The following ENTREP2 variants were observed in gnomAD, a reference collection of about 807,000 sequenced individuals.
ENTREP2 encodes the protein protein ENTREP2.
the ENTREP2 span, among the ~76,000 whole-genome samples, chr15:29,622,561 T>A: frequency 5.3e-5 from 8 of 152,118 alleles, no homozygotes; most frequent in Non-Finnish European, 1.2e-4. Flanking sequence ...ATAAAAAACC[T>A]AAGGAGAAAT....
At chr15:29,502,199 T>C in the ENTREP2 span, among the ~76,000 whole-genome samples, 130 of 151,936 alleles carry the variant, frequency 8.6e-4, 1 homozygote, top group African/African-American at 2.9e-3. Context: ...GTGAGAGGAA[T>C]CACACTTTCT....
chr15:29,215,171 G>C, the ENTREP2 span, among the ~76,000 whole-genome samples: 1 of 152,156 alleles, frequency 6.6e-6, no homozygotes, highest in African/African-American at 2.4e-5. Flanking sequence ...GGTTGGACAA[G>C]GCCTTTTATC....
At chr15:29,358,410 T>G in the ENTREP2 span, among the ~76,000 whole-genome samples, 1 of 152,174 alleles carries the variant, frequency 6.6e-6, no homozygotes, top group East Asian at 1.9e-4. Flanking sequence ...TGTGTACATA[T>G]GTGTAAAAGA....
chr15:29,346,191 G>A, the ENTREP2 span, among the ~76,000 whole-genome samples: 3 of 152,216 alleles, frequency 2.0e-5, no homozygotes, highest in South Asian at 2.1e-4. Context: ...CAAGGGCAAG[G>A]AGGAAGCCAA....
chr15:29,355,089 C>G, the ENTREP2 span, among the ~76,000 whole-genome samples: 3 of 152,080 alleles, frequency 2.0e-5, no homozygotes, highest in Non-Finnish European at 4.4e-5. Flanking sequence ...CACCAAAGGC[C>G]ACCCCTGTCT....
At chr15:29,288,196 AAAAAGACCACTG>A in the ENTREP2 span, among the ~76,000 whole-genome samples, 1 of 152,320 alleles carries the variant, frequency 6.6e-6, no homozygotes, top group African/African-American at 2.4e-5. Flanking sequence ...TCAAGACACC[AAAAAGACCACTG>A]AAAAGGCAAG....
chr15:29,127,861 T>G, the ENTREP2 span, among the ~76,000 whole-genome samples: 3 of 152,118 alleles, frequency 2.0e-5, no homozygotes, highest in Non-Finnish European at 4.4e-5. Context: ...TGACAGTGAC[T>G]GAGATACACT....
At chr15:29,310,633 G>C in the ENTREP2 span, among the ~76,000 whole-genome samples, 2 of 152,188 alleles carry the variant, frequency 1.3e-5, no homozygotes, top group Non-Finnish European at 2.9e-5. Context: ...AGAATTGTCC[G>C]GGCCAAGCCC....
chr15:29,507,962 GAGC>G, the ENTREP2 span, among the ~76,000 whole-genome samples: 1 of 152,042 alleles, frequency 6.6e-6, no homozygotes, highest in African/African-American at 2.4e-5. Flanking sequence ...GTGAATCCAG[GAGC>G]AGATTTTTTG....
chr15:29,353,424 T>C, the ENTREP2 span, among the ~76,000 whole-genome samples: 5 of 152,296 alleles, frequency 3.3e-5, no homozygotes, highest in East Asian at 9.7e-4. Context: ...TGCTTATGAA[T>C]GTATGCACTT....
At chr15:29,453,106 G>T in the ENTREP2 span, among the ~76,000 whole-genome samples, 1 of 152,188 alleles carries the variant, frequency 6.6e-6, no homozygotes, top group Non-Finnish European at 1.5e-5. Context: ...TAAAAAAGGA[G>T]ATCAGAAATT....
chr15:29,587,138 C>CGTGTGTGTGT, the ENTREP2 span, among the ~76,000 whole-genome samples: 185 of 124,030 alleles, frequency 1.5e-3, 1 homozygote, highest in Middle Eastern at 4.0e-3. Context: ...TGTAGCTAAC[C>CGTGTGTGTGT]GTGTGTGTGT....
At chr15:29,200,833 A>T in the ENTREP2 span, among the ~76,000 whole-genome samples, 1 of 152,222 alleles carries the variant, frequency 6.6e-6, no homozygotes, top group South Asian at 2.1e-4. Flanking sequence ...AAGTGCTGGG[A>T]TTGATTACAG....
chr15:29,321,996 T>TA, the ENTREP2 span, among the ~76,000 whole-genome samples: 8 of 149,822 alleles, frequency 5.3e-5, 1 homozygote, highest in South Asian at 6.3e-4. Flanking sequence ...AATTTAAATT[T>TA]AAAAAAAAGG....
chr15:29,483,242 T>C, the ENTREP2 span, among the ~76,000 whole-genome samples: 1 of 152,258 alleles, frequency 6.6e-6, no homozygotes, highest in African/African-American at 2.4e-5. Context: ...TAAAAGTCCT[T>C]GATCACATAT....
the ENTREP2 span, among the ~76,000 whole-genome samples, chr15:29,155,345 G>A: frequency 6.6e-6 from 1 of 151,950 alleles, no homozygotes; most frequent in Non-Finnish European, 1.5e-5. Flanking sequence ...TCAGTTTAGG[G>A]CTAACTATTC....
At chr15:29,185,803 C>G in the ENTREP2 span, among the ~76,000 whole-genome samples, 1 of 152,198 alleles carries the variant, frequency 6.6e-6, no homozygotes, top group Non-Finnish European at 1.5e-5. Context: ...CTCAGGTGAT[C>G]TGCCCACCTC....
the ENTREP2 span, among the ~76,000 whole-genome samples, chr15:29,149,490 G>A: frequency 4.6e-5 from 7 of 152,328 alleles, no homozygotes; most frequent in Admixed American, 4.6e-4. Flanking sequence ...GGAATGGTTC[G>A]CACAGCCAGC....
chr15:29,577,405 G>A, the ENTREP2 span, among the ~76,000 whole-genome samples: 1 of 151,624 alleles, frequency 6.6e-6, no homozygotes, highest in Non-Finnish European at 1.5e-5. Flanking sequence ...CCAGGCTGGA[G>A]TGCAGTGGCA....
Sources: allele counts gnomAD v4.1 joint callset (sites outside exome capture counted in the v4.1 genomes callset), GRCh38; gene constraint gnomAD v4.1.1; transcripts MANE v1.5; gene names NCBI Gene and HGNC (gene_info 2026-07-23, HGNC 2026-07-21).